The following PPP5C variants were observed in gnomAD, a reference collection of about 807,000 sequenced individuals.
PPP5C encodes serine/threonine-protein phosphatase 5.
A neutral mutation model predicts 66.7 loss-of-function variants in PPP5C; 21 were observed. The observed-to-expected ratio is 0.31, with a 90% CI of 0.22 to 0.45. The LOEUF (loss-of-function observed/expected upper bound fraction) is 0.45, where lower values mean the gene tolerates loss of function less well. PPP5C is among the 20% of genes least tolerant of loss of function. The pLI, the probability that PPP5C is intolerant of heterozygous loss-of-function variation, is 1.00. For missense variants in PPP5C, 464 were observed against 675.9 expected (o/e 0.69, Z 3.48); for synonymous variants, 246 against 257.4 (o/e 0.96, Z 0.43).
chr19:46,352,039 T>C (rs1417681602), intron 1 of PPP5C, among the ~76,000 whole-genome samples: 1 of 152,204 alleles, frequency 6.6e-6, no homozygotes, highest in Non-Finnish European at 1.5e-5. Flanking sequence ...CTCATCTCTC[T>C]CTGCATCCCT....
chr19:46,366,354 T>G (rs1773696372), intron 2 of PPP5C, among the ~76,000 whole-genome samples: 1 of 151,080 alleles, frequency 6.6e-6, no homozygotes, highest in Non-Finnish European at 1.5e-5. Context: ...TGGTTTTTGT[T>G]TTTTTTTTAG....
chr19:46,348,556 C>T (rs558461251), intron 1 of PPP5C, among the ~76,000 whole-genome samples: 91 of 152,144 alleles, frequency 6.0e-4, no homozygotes, highest in African/African-American at 2.1e-3. Flanking sequence ...GCAGGTGATC[C>T]GCCCATCTCG....
intron 2 of PPP5C, among the ~76,000 whole-genome samples, chr19:46,373,800 G>A (rs1369970820): frequency 6.6e-6 from 1 of 152,182 alleles, no homozygotes; most frequent in Non-Finnish European, 1.5e-5. Flanking sequence ...GGGCCTTTGG[G>A]AGCCCAGAGG....
rs146314080 is a variant in PPP5C, at chr19:46,376,745, C to T, written c.633+171C>T. ...GAGGGCTTACCACATGATCTCATCT[C>T]GTCCCACAGCAGTTTGGGGAGGTGG... On this transcript the variant is annotated intron_variant, in intron 4 of 12. Transcript: ENST00000012443. The surrounding 1 kb of genome is among the most constrained non-coding windows in gnomAD (Gnocchi z 5.1). 6 of 907,108 alleles carry T rather than the reference C, an allele frequency of 6.6e-6. No homozygotes were observed. The highest frequency in any genetic ancestry group is 3.7e-4 in the Middle Eastern group (1 of 2,692). The allele number at this position is 907,108 out of a possible 1,614,324, so 56.2% of individuals were successfully genotyped here.
chr19:46,363,824 GAC>G (rs1263268565), intron 2 of PPP5C, among the ~76,000 whole-genome samples: 2 of 152,120 alleles, frequency 1.3e-5, no homozygotes, highest in Non-Finnish European at 2.9e-5. Context: ...CATATATGTA[GAC>G]ACAACATATA....
chr19:46,361,232 C>A (rs1972382961), intron 2 of PPP5C, among the ~76,000 whole-genome samples: 1 of 149,298 alleles, frequency 6.7e-6, no homozygotes, highest in South Asian at 2.1e-4. Context: ...CGGATTCACC[C>A]CATTCTCCTG....
At chr19:46,387,552 C>T in intron 9 of PPP5C, 99 bp downstream of exon 9, 1 of 1,599,682 alleles carries the variant, frequency 6.3e-7, no homozygotes, top group Non-Finnish European at 8.5e-7. Context: ...GGCTTTGTGC[C>T]CTTGGCAAGA....
intron 2 of PPP5C, among the ~76,000 whole-genome samples, chr19:46,368,397 C>A (rs1601426312): frequency 6.6e-6 from 1 of 152,350 alleles, no homozygotes; most frequent in African/African-American, 2.4e-5. Flanking sequence ...TCCGTAAGAC[C>A]CACCAGAAGC....
intron 2 of PPP5C, among the ~76,000 whole-genome samples, chr19:46,372,049 G>C (rs1002436467): frequency 1.3e-5 from 2 of 152,194 alleles, no homozygotes; most frequent in Non-Finnish European, 2.9e-5. Context: ...AGAAGCTGCT[G>C]ATGGTCTTGA....
intron 4 of PPP5C, chr19:46,382,361 A>G (rs1053353324): frequency 1.3e-5 from 2 of 152,216 alleles, no homozygotes; most frequent in African/African-American, 4.8e-5. Context: ...CAGCTCTCAG[A>G]TGGCTTTACC....
intron 4 of PPP5C, among the ~76,000 whole-genome samples, chr19:46,381,312 G>C (rs184757736): frequency 6.6e-6 from 1 of 152,200 alleles, no homozygotes; most frequent in Admixed American, 6.5e-5. Context: ...TAACGTCTCT[G>C]TCTGATAGTT....
chr19:46,387,059 G>T, intron 7 of PPP5C, 34 bp from the exon 8 acceptor site: 1 of 1,614,076 alleles, frequency 6.2e-7, no homozygotes, highest in Non-Finnish European at 8.5e-7. Context: ...GTACCTGGAG[G>T]CTGAGCTTTC....
At chr19:46,370,561 G>T (rs373055712) in intron 2 of PPP5C, among the ~76,000 whole-genome samples, 5 of 152,142 alleles carry the variant, frequency 3.3e-5, no homozygotes, top group African/African-American at 1.2e-4. Context: ...ATGGTGGTTC[G>T]CTTGGCTTCT....
At chr19:46,371,132 AC>A (rs1018389345) in intron 2 of PPP5C, among the ~76,000 whole-genome samples, 90 of 152,244 alleles carry the variant, frequency 5.9e-4, no homozygotes, top group African/African-American at 2.1e-3. Flanking sequence ...TCCGGAAGAC[AC>A]CACCTATGTT....
chr19:46,354,053 G>T, intron 2 of PPP5C, 64 bp downstream of exon 2: 1 of 1,570,146 alleles, frequency 6.4e-7, no homozygotes, highest in South Asian at 1.2e-5. Flanking sequence ...CTGGGCTGGC[G>T]GGGACGGGTG....
intron 1 of PPP5C, among the ~76,000 whole-genome samples, chr19:46,351,856 G>A (rs741237): frequency 0.53 from 81,325 of 152,146 alleles, 21,886 homozygotes; most frequent in South Asian, 0.74. Flanking sequence ...CAGGGGCTGG[G>A]GCAGCCCAGT....
In PPP5C at chr19:46,388,774, G is replaced by A. The variant is rs374458477; in HGVS notation, c.1355+43G>A. 9.8e-5 allele frequency: 155 copies of A among 1,584,094 alleles called. No homozygotes were observed. The highest frequency in any genetic ancestry group is 1.7e-4 in the Middle Eastern group (1 of 5,932). ...CAGCCCAGGGCCTCTACCAAGCCAC[G>A]GGTTTTTGTCTTGGTTTTTGTTTTG... is the stretch of plus-strand genomic sequence containing the variant. On this transcript the variant is annotated intron_variant, in intron 11 of 12. Transcript: ENST00000012443. This position sits in a 1 kb window ranked among gnomAD's most constrained non-coding sequence, Gnocchi z 4.9.
chr19:46,351,236 C>T (rs1163031446), intron 1 of PPP5C, among the ~76,000 whole-genome samples: 1 of 152,150 alleles, frequency 6.6e-6, no homozygotes, highest in Admixed American at 6.5e-5. Context: ...CTTAACTTCT[C>T]TGGGCCTCTG....
intron 9 of PPP5C, chr19:46,387,759 C>G: frequency 7.6e-7 from 1 of 1,312,322 alleles, no homozygotes; most frequent in African/African-American, 1.5e-5. Context: ...GGCTCCTGTG[C>G]TAGTGACGGG....
Sources: gnomAD v4.1 joint callset for allele counts (sites outside exome capture counted in the v4.1 genomes callset) on GRCh38, gnomAD v4.1.1 for gene constraint, Gnocchi (gnomAD v3.1) non-coding constraint, MANE v1.5 for transcripts, NCBI Gene and HGNC (gene_info 2026-07-23, HGNC 2026-07-21) for gene names.